PCDHA6: variants seen among roughly 807,000 people sequenced by gnomAD.
PCDHA6 encodes protocadherin alpha-6.
A neutral mutation model predicts 60.3 loss-of-function variants in PCDHA6; 55 were observed. The ratio of observed to expected loss-of-function variants is 0.91; its 90% CI spans 0.73 to 1.14. The LOEUF is 1.14. Among genes scored for constraint, PCDHA6 ranks in the 50% most tolerant of loss-of-function variants. PCDHA6 has a pLI of 0.00. For synonymous variants in PCDHA6, 652 were observed against 557.9 expected (o/e 1.17, Z -2.38); for missense variants, 1,327 against 1,256.5 (o/e 1.06, Z -0.85).
chr5:140,869,307 C>G, intron 1 of PCDHA6: 2 of 1,613,664 alleles, frequency 1.2e-6, no homozygotes, highest in Non-Finnish European at 1.7e-6. Flanking sequence ...GGGTGGCGTC[C>G]AAAACACATG....
chr5:140,985,889 G>A (rs549796234), intron 3 of PCDHA6, among the ~76,000 whole-genome samples: 61 of 151,864 alleles, frequency 4.0e-4, no homozygotes, highest in Non-Finnish European at 5.7e-4. Context: ...ACAGGCGCCC[G>A]CCACCACTCC....
intron 1 of PCDHA6, chr5:140,927,075 C>A (rs1304732952): frequency 1.9e-6 from 3 of 1,611,070 alleles, no homozygotes; most frequent in Non-Finnish European, 2.5e-6. Context: ...TTTCCAGCCA[C>A]CGCGAGCTCT....
chr5:140,928,757 G>T (rs372744198), intron 1 of PCDHA6: 1 of 1,614,092 alleles, frequency 6.2e-7, no homozygotes, highest in African/African-American at 1.3e-5. Context: ...CGTACTGCTC[G>T]CTTAGTTCTT....
At position 140,857,203 on chromosome 5, in the gene PCDHA6, C is replaced by T. The variant is rs781954201; in HGVS notation, c.2394+26718C>T. 1.0e-5 allele frequency: 16 copies of T among 1,598,514 alleles called. 1 individual carries two copies. In the Admixed American group the frequency reaches 2.4e-4, roughly 24 times the overall value. On this transcript the variant is annotated intron_variant, in intron 1 of 3. Transcript: ENST00000529310. ...ATTCAGGAGCCAACGGACAGGTCAC[C>T]TGCTCTCTGACGCCTCACGTTCCGT...
chr5:140,865,377 T>C (rs2048847316), intron 1 of PCDHA6: 1 of 152,154 alleles, frequency 6.6e-6, no homozygotes, highest in South Asian at 2.1e-4. Flanking sequence ...ATGTTATAGG[T>C]AGGGTAAAGT....
chr5:140,925,596 T>G (rs1218423622), intron 1 of PCDHA6, among the ~76,000 whole-genome samples: 1 of 151,466 alleles, frequency 6.6e-6, no homozygotes, highest in Admixed American at 6.6e-5. Context: ...TGTATACATA[T>G]GTAACAAACC....
At chr5:140,834,986 C>G (rs2150229667) in intron 1 of PCDHA6, 1 of 1,457,962 alleles carries the variant, frequency 6.9e-7, no homozygotes, top group Admixed American at 2.1e-5. Flanking sequence ...AACTTTTAGA[C>G]AGAGAAGAAA....
intron 1 of PCDHA6, among the ~76,000 whole-genome samples, chr5:140,963,398 G>C (rs1465736344): frequency 6.6e-6 from 1 of 152,220 alleles, no homozygotes; most frequent in Admixed American, 6.5e-5. Flanking sequence ...CTCCCTACTG[G>C]ATGCTGTAGA....
rs1472769366 is a variant in PCDHA6, at chr5:140,928,640, T to C, written c.2395-50309T>C. On this transcript the variant is annotated intron_variant, in intron 1 of 3. Transcript: ENST00000529310. ...AGGACTGGACACTTGGTCACAAAAG[T>C]GGTAGCAGAGGATGCTGACAGTGGT... The C allele has an allele frequency of 1.2e-6, 2 of 1,614,096 alleles. No individual in the cohort carries two copies. Among genetic ancestry groups the C allele is most frequent in the African/African-American group, 2.7e-5 (2 of 74,930 alleles).
intron 1 of PCDHA6, among the ~76,000 whole-genome samples, chr5:140,963,667 T>G (rs1206076549): frequency 3.9e-5 from 6 of 152,238 alleles, no homozygotes; most frequent in African/African-American, 1.4e-4. Context: ...CTATATGGCA[T>G]AGTTAAATGT....
At chr5:140,860,393 A>C (rs1463611060) in intron 1 of PCDHA6, 1 of 152,136 alleles carries the variant, frequency 6.6e-6, no homozygotes, top group Non-Finnish European at 1.5e-5. Flanking sequence ...AAATTGAAAA[A>C]AGCAAAAGCA....
At chr5:140,920,713 G>A (rs140720388) in intron 1 of PCDHA6, among the ~76,000 whole-genome samples, 41 of 152,140 alleles carry the variant, frequency 2.7e-4, no homozygotes, top group African/African-American at 9.6e-4. Context: ...GCATGGTGGT[G>A]TGCGCCTGCA....
At chr5:140,943,600 A>G (rs996134923) in intron 1 of PCDHA6, among the ~76,000 whole-genome samples, 1 of 152,198 alleles carries the variant, frequency 6.6e-6, no homozygotes, top group African/African-American at 2.4e-5. Context: ...AATTCTAAAT[A>G]TAGACTTTGA....
chr5:140,939,510 A>G (rs2092401222), intron 1 of PCDHA6, among the ~76,000 whole-genome samples: 1 of 150,724 alleles, frequency 6.6e-6, no homozygotes, highest in Admixed American at 6.6e-5. Flanking sequence ...TGTCTATAAC[A>G]TTAATAGTTA....
chr5:140,842,117 G>A, intron 1 of PCDHA6: 4 of 1,613,862 alleles, frequency 2.5e-6, no homozygotes, highest in Non-Finnish European at 3.4e-6. Context: ...CAAACTGAAT[G>A]CTTCTGATCC....
intron 1 of PCDHA6, among the ~76,000 whole-genome samples, chr5:140,900,662 G>C (rs2068213556): frequency 6.6e-6 from 1 of 152,190 alleles, no homozygotes; most frequent in South Asian, 2.1e-4. Flanking sequence ...ATGAACAATG[G>C]GAGTGCAGTT....
In PCDHA6 at chr5:140,883,265, C is replaced by G. The variant is rs782741439; in HGVS notation, c.2394+52780C>G. 4.5e-5 allele frequency: 73 copies of G among 1,613,790 alleles called. No homozygotes were observed. The highest frequency in any genetic ancestry group is 6.0e-5 in the Non-Finnish European group (71 of 1,179,996). ...CAAAGGAAATATTCCAATGGCGGGTCATTGTACCCTTTTGGTGGAAGTACT... is the reference window on the plus strand; with the variant it reads ...CAAAGGAAATATTCCAATGGCGGGTGATTGTACCCTTTTGGTGGAAGTACT... On this transcript the variant is annotated intron_variant, in intron 1 of 3. Transcript: ENST00000529310.
intron 3 of PCDHA6, among the ~76,000 whole-genome samples, chr5:141,008,680 T>C (rs2098386787): frequency 6.6e-6 from 1 of 152,220 alleles, no homozygotes; most frequent in Non-Finnish European, 1.5e-5. Flanking sequence ...ATACTTTAGT[T>C]ATTGCATGTA....
Position 140,927,154 on chromosome 5 carries a change from A to C in PCDHA6, c.2395-51795A>C, listed in dbSNP as rs141284501. 8 of 1,614,050 alleles carry C rather than the reference A, an allele frequency of 5.0e-6. No individual in the cohort carries two copies. The African/African-American group carries it at 8.0e-5, about 16-fold the overall frequency. On this transcript the variant is annotated intron_variant, in intron 1 of 3. Transcript: ENST00000529310. ...GCCGGCGGACCGCGAACAGCTGTGC[A>C]GGGCCAAAGCTGCCTGCGTCTTGAC...
Sources: gnomAD v4.1 joint callset for allele counts (sites outside exome capture counted in the v4.1 genomes callset) on GRCh38, gnomAD v4.1.1 for gene constraint, MANE v1.5 for transcripts, NCBI Gene and HGNC (gene_info 2026-07-23, HGNC 2026-07-21) for gene names.